The following CCDC91 variants were observed in gnomAD, a reference collection of about 807,000 sequenced individuals.
The protein encoded by CCDC91 is coiled-coil domain-containing protein 91.
Under a neutral mutation model 63.2 loss-of-function variants are expected in CCDC91, and 48 were observed. That is an observed-to-expected ratio of 0.76 (90% confidence interval 0.60 to 0.97). The LOEUF is 0.97. Among genes scored for constraint, CCDC91 ranks in the 50% least tolerant of loss-of-function variants. The pLI, the probability that CCDC91 is intolerant of heterozygous loss-of-function variation, is 0.00. For synonymous variants in CCDC91, 167 were observed against 165.8 expected (o/e 1.01, Z -0.06); for missense variants, 500 against 494.6 (o/e 1.01, Z -0.10).
rs1456983004 is a variant in CCDC91 at position 28,508,757 on chromosome 12, G to A, written c.1215+24592G>A. ...CCTCTAAAGCCCAGAGTTTGCAAGG[G>A]TGAGAAGCACATATTATCTGAGTCA... On this transcript the variant is annotated intron_variant, in intron 12 of 12. Transcript: ENST00000536442. 2.0e-5 allele frequency among the ~76,000 whole-genome samples: 3 copies of A among 151,890 alleles called. No individual in the cohort carries two copies. In the East Asian group the frequency reaches 5.9e-4, roughly 30 times the overall value.
intron 8 of CCDC91, among the ~76,000 whole-genome samples, chr12:28,443,971 A>G (rs529479670): frequency 4.8e-5 from 7 of 146,756 alleles, no homozygotes; most frequent in African/African-American, 1.7e-4. Context: ...CTGGTTTTTG[A>G]CCATACTATT....
intron 1 of CCDC91, among the ~76,000 whole-genome samples, chr12:28,240,907 T>C (rs1341070783): frequency 1.3e-5 from 2 of 152,176 alleles, no homozygotes; most frequent in African/African-American, 2.4e-5. Flanking sequence ...CTTGCCCTTA[T>C]AGGAGGTATA....
intron 1 of CCDC91, among the ~76,000 whole-genome samples, chr12:28,225,148 A>G (rs1944190344): frequency 6.6e-6 from 1 of 152,184 alleles, no homozygotes; most frequent in Admixed American, 6.5e-5. Flanking sequence ...GTAAGATACA[A>G]GATTCTGCTT....
chr12:28,515,426 T>C (rs1420869751), intron 12 of CCDC91, among the ~76,000 whole-genome samples: 1 of 151,902 alleles, frequency 6.6e-6, no homozygotes, highest in Non-Finnish European at 1.5e-5. Context: ...TCTAGAATAT[T>C]TTAATAATGT....
At chr12:28,203,651 A>T (rs1424539632) in intron 1 of CCDC91, among the ~76,000 whole-genome samples, 1 of 152,226 alleles carries the variant, frequency 6.6e-6, no homozygotes, top group Non-Finnish European at 1.5e-5. Flanking sequence ...ATAGTTAGGA[A>T]TTTATACATG....
intron 12 of CCDC91, among the ~76,000 whole-genome samples, chr12:28,521,298 A>G (rs1161567055): frequency 3.2e-4 from 48 of 152,100 alleles, no homozygotes. Context: ...ATCCCTTGTA[A>G]GTTGGATTCC....
intron 8 of CCDC91, among the ~76,000 whole-genome samples, chr12:28,406,085 T>G (rs751900966): frequency 1.4e-4 from 22 of 152,058 alleles, no homozygotes; most frequent in Non-Finnish European, 3.1e-4. Flanking sequence ...GTGACATTAT[T>G]TTTTCCTCAA....
chr12:28,349,810 C>G (rs117045094), intron 6 of CCDC91, among the ~76,000 whole-genome samples: 1 of 152,146 alleles, frequency 6.6e-6, no homozygotes, highest in Non-Finnish European at 1.5e-5. Context: ...CTGTATTCCC[C>G]GCTTCAGAGA....
At chr12:28,381,382 A>G (rs1243237680) in intron 7 of CCDC91, among the ~76,000 whole-genome samples, 1 of 151,766 alleles carries the variant, frequency 6.6e-6, no homozygotes, top group East Asian at 1.9e-4. Flanking sequence ...TTATCAAAAT[A>G]TCATTTTTTT....
chr12:28,255,185 G>A (rs1946366516), intron 1 of CCDC91, among the ~76,000 whole-genome samples: 1 of 152,144 alleles, frequency 6.6e-6, no homozygotes, highest in African/African-American at 2.4e-5. Context: ...AGTCAAACAA[G>A]CTGAAATGAT....
rs192358645 is a variant in CCDC91, at chr12:28,363,620, A to C, written c.654+1105A>C. 4.6e-3 allele frequency among the ~76,000 whole-genome samples: 699 copies of C among 152,164 alleles called. 4 individuals carry two copies. Among genetic ancestry groups the C allele is most frequent in the African/African-American group, 0.016 (673 of 41,520 alleles). On this transcript the variant is annotated intron_variant, in intron 7 of 12. Transcript: ENST00000536442. Reference sequence around the variant, plus strand: ...TCATTTGGGCCGGGCATGGTGGCTCACGCCTGTAATCCCAGCACTTCGGGA... The same window carrying C: ...TCATTTGGGCCGGGCATGGTGGCTCCCGCCTGTAATCCCAGCACTTCGGGA...
At chr12:28,210,220 A>G (rs1346724745) in intron 1 of CCDC91, among the ~76,000 whole-genome samples, 1 of 152,244 alleles carries the variant, frequency 6.6e-6, no homozygotes, top group Non-Finnish European at 1.5e-5. Flanking sequence ...AAAGCATTTA[A>G]CAAACCTAGT....
intron 7 of CCDC91, among the ~76,000 whole-genome samples, chr12:28,363,968 T>C (rs546101502): frequency 6.8e-4 from 103 of 151,460 alleles, no homozygotes; most frequent in Middle Eastern, 3.4e-3. Flanking sequence ...AAAGTGTTTT[T>C]TTTTTTTTCT....
rs1212667383 is a variant in CCDC91 at position 28,521,654 on chromosome 12, T to C, written c.1216-27409T>C. 3.3e-5 allele frequency among the ~76,000 whole-genome samples: 5 copies of C among 152,158 alleles called. No individual in the cohort carries two copies. The East Asian group carries it at 9.6e-4, about 29-fold the overall frequency. On this transcript the variant is annotated intron_variant, in intron 12 of 12. Coordinates refer to ENST00000536442, the MANE Select transcript of CCDC91 (RefSeq NM_018318.5). ...GGGGACATCCCTGTCTTGTGCCAGTTTTCAAGGGGAATGCTTCCAGTTTTT... is the reference window on the plus strand; with the variant it reads ...GGGGACATCCCTGTCTTGTGCCAGTCTTCAAGGGGAATGCTTCCAGTTTTT...
rs1166048003 is a variant in CCDC91 at position 28,549,575 on chromosome 12, C to T, written c.*402C>T. 1.3e-5 allele frequency: 2 copies of T among 152,570 alleles called. No homozygotes were observed. The highest frequency in any genetic ancestry group is 4.8e-5 in the African/African-American group (2 of 41,410). 9.5% of individuals were successfully genotyped at this position (152,570 alleles called of 1,614,324 possible). ...TGCTAGAATGTAACCATACATTTAT[C>T]TTATTTTGAGGATAGAAATAGCATG... On this transcript the variant is annotated 3_prime_UTR_variant, in exon 13 of 13. Transcript: ENST00000536442.
intron 1 of CCDC91, among the ~76,000 whole-genome samples, chr12:28,212,429 A>G (rs1943291824): frequency 1.3e-5 from 2 of 152,204 alleles, no homozygotes; most frequent in Admixed American, 1.3e-4. Context: ...TGTTTGCCTT[A>G]TTTGAACACA....
chr12:28,405,342 T>G (rs1021672394), intron 8 of CCDC91, among the ~76,000 whole-genome samples: 1 of 152,118 alleles, frequency 6.6e-6, no homozygotes, highest in African/African-American at 2.4e-5. Flanking sequence ...ATCATTGATG[T>G]CATTCATTTT....
intron 8 of CCDC91, among the ~76,000 whole-genome samples, chr12:28,423,665 C>A (rs1384643013): frequency 6.6e-6 from 1 of 152,100 alleles, no homozygotes; most frequent in African/African-American, 2.4e-5. Flanking sequence ...TATGATCTTA[C>A]AGTAAAAACT....
intron 3 of CCDC91, among the ~76,000 whole-genome samples, chr12:28,276,781 G>A (rs1226720923): frequency 6.6e-6 from 1 of 151,860 alleles, no homozygotes; most frequent in African/African-American, 2.4e-5. Flanking sequence ...GTGAATATTA[G>A]TTAAGATTTT....
Sources: allele counts gnomAD v4.1 joint callset (sites outside exome capture counted in the v4.1 genomes callset), GRCh38; gene constraint gnomAD v4.1.1; transcripts MANE v1.5; gene names NCBI Gene and HGNC (gene_info 2026-07-23, HGNC 2026-07-21).